The following ARHGAP15 variants were observed in gnomAD, a reference collection of about 807,000 sequenced individuals.
ARHGAP15 encodes the protein rho GTPase-activating protein 15.
In ARHGAP15, 51 loss-of-function variants were observed where a neutral mutation model predicts 63.7. The observed-to-expected ratio is 0.80, with a 90% CI of 0.64 to 1.01. The LOEUF is 1.01. ARHGAP15 is among the 50% of genes least tolerant of loss of function. ARHGAP15 has a pLI of 0.00. For missense variants in ARHGAP15, 560 were observed against 564.6 expected, an observed-to-expected ratio of 0.99 and a Z score of 0.08; for synonymous variants, 191 against 193.8, an observed-to-expected ratio of 0.99 and a Z score of 0.12.
intron 6 of ARHGAP15, among the ~76,000 whole-genome samples, chr2:143,306,898 G>T (rs1277501552): frequency 6.6e-6 from 1 of 152,014 alleles, no homozygotes; most frequent in Admixed American, 6.6e-5. Context: ...TAATTTTACA[G>T]TGTCCATGGG....
At chr2:143,397,038 C>G (rs1005385318) in intron 6 of ARHGAP15, among the ~76,000 whole-genome samples, 4 of 152,182 alleles carry the variant, frequency 2.6e-5, no homozygotes, top group South Asian at 2.1e-4. Flanking sequence ...GAGTTCTCCT[C>G]CTCCACATTA....
intron 6 of ARHGAP15, among the ~76,000 whole-genome samples, chr2:143,407,909 T>C (rs545600954): frequency 6.9e-6 from 1 of 144,612 alleles, no homozygotes; most frequent in Non-Finnish European, 1.5e-5. Flanking sequence ...CTAGAAAAAA[T>C]TGTGTGTGAC....
At chr2:143,623,554 G>A (rs1424043131) in intron 11 of ARHGAP15, among the ~76,000 whole-genome samples, 1 of 152,080 alleles carries the variant, frequency 6.6e-6, no homozygotes, top group Non-Finnish European at 1.5e-5. Flanking sequence ...AGATTTTGAA[G>A]CAGTAAGAAA....
At chr2:143,166,917 C>T (rs1690563969) in intron 2 of ARHGAP15, among the ~76,000 whole-genome samples, 2 of 151,976 alleles carry the variant, frequency 1.3e-5, no homozygotes, top group Admixed American at 6.6e-5. Context: ...ATTTATAATG[C>T]CTCTTTTATT....
At chr2:143,593,017 G>A (rs185265956) in intron 11 of ARHGAP15, among the ~76,000 whole-genome samples, 80 of 152,284 alleles carry the variant, frequency 5.3e-4, no homozygotes, top group African/African-American at 1.8e-3. Context: ...AGGTAGCATA[G>A]GAGAGCCTGA....
intron 13 of ARHGAP15, among the ~76,000 whole-genome samples, chr2:143,724,821 A>C (rs944394956): frequency 6.6e-6 from 1 of 152,242 alleles, no homozygotes; most frequent in African/African-American, 2.4e-5. Context: ...TAAAATTCAC[A>C]ACGATCAGCA....
chr2:143,686,187 T>G (rs960267006), intron 12 of ARHGAP15, among the ~76,000 whole-genome samples: 9 of 151,850 alleles, frequency 5.9e-5, no homozygotes, highest in Admixed American at 3.9e-4. Flanking sequence ...GGCAGGCAGA[T>G]CACGAGGTCA....
chr2:143,766,447 A>G (rs1353605824), intron 13 of ARHGAP15, among the ~76,000 whole-genome samples: 2 of 152,148 alleles, frequency 1.3e-5, no homozygotes, highest in African/African-American at 4.8e-5. Flanking sequence ...TTACTTCACA[A>G]TGGCCCCCAA....
intron 12 of ARHGAP15, among the ~76,000 whole-genome samples, chr2:143,664,989 C>T (rs1282277408): frequency 1.3e-5 from 2 of 151,668 alleles, no homozygotes. Context: ...ATCAGAGGTA[C>T]AAGGAGGAAC....
At chr2:143,180,891 T>C (rs1166284354) in intron 2 of ARHGAP15, among the ~76,000 whole-genome samples, 1 of 152,152 alleles carries the variant, frequency 6.6e-6, no homozygotes, top group Non-Finnish European at 1.5e-5. Flanking sequence ...GCCAGAATGG[T>C]CTCGATCTCC....
At chr2:143,520,569 A>G (rs184662209) in intron 10 of ARHGAP15, among the ~76,000 whole-genome samples, 135 of 152,270 alleles carry the variant, frequency 8.9e-4, no homozygotes, top group Admixed American at 8.7e-3. Flanking sequence ...ACATGAGGAG[A>G]GGTATCTGTG....
chr2:143,297,560 A>G (rs1314983176), intron 6 of ARHGAP15, among the ~76,000 whole-genome samples: 1 of 151,802 alleles, frequency 6.6e-6, no homozygotes, highest in Non-Finnish European at 1.5e-5. Flanking sequence ...AATCAAAGCC[A>G]TTTTCAGGTG....
At chr2:143,648,831 G>A (rs1169209077) in intron 12 of ARHGAP15, 1 of 151,956 alleles carries the variant, frequency 6.6e-6, no homozygotes, top group East Asian at 1.9e-4. Flanking sequence ...TAAAGATGCA[G>A]TGTTAGGTGC....
intron 8 of ARHGAP15, among the ~76,000 whole-genome samples, chr2:143,483,920 C>G (rs967135978): frequency 6.6e-6 from 1 of 152,114 alleles, no homozygotes; most frequent in Non-Finnish European, 1.5e-5. Flanking sequence ...CCTTACTGTG[C>G]TGCATTATAA....
intron 6 of ARHGAP15, among the ~76,000 whole-genome samples, chr2:143,315,208 C>T (rs1263872505): frequency 2.6e-5 from 4 of 152,080 alleles, no homozygotes; most frequent in African/African-American, 9.7e-5. Flanking sequence ...CTAGCAGATG[C>T]TATTAATTGA....
intron 13 of ARHGAP15, among the ~76,000 whole-genome samples, chr2:143,757,643 T>A (rs1686626883): frequency 6.6e-6 from 1 of 151,176 alleles, no homozygotes; most frequent in Admixed American, 6.6e-5. Context: ...CAATGGAGAG[T>A]GGTGGTTTAT....
intron 11 of ARHGAP15, among the ~76,000 whole-genome samples, chr2:143,609,730 T>C (rs1698181054): frequency 6.6e-6 from 1 of 152,126 alleles, no homozygotes; most frequent in Non-Finnish European, 1.5e-5. Context: ...CCCTGTTCGG[T>C]ACCCAGGATC....
At chr2:143,537,513 T>A (rs933543523) in intron 10 of ARHGAP15, among the ~76,000 whole-genome samples, 2 of 152,250 alleles carry the variant, frequency 1.3e-5, no homozygotes, top group African/African-American at 4.8e-5. Flanking sequence ...TGGTTTTAGA[T>A]CTAACATGTA....
intron 2 of ARHGAP15, among the ~76,000 whole-genome samples, chr2:143,193,657 T>C (rs1399507169): frequency 2.0e-5 from 3 of 152,216 alleles, no homozygotes; most frequent in Admixed American, 2.0e-4. Context: ...GTTATAATTG[T>C]TCAAAGCTTG....
Sources: allele counts gnomAD v4.1 joint callset (sites outside exome capture counted in the v4.1 genomes callset), GRCh38; gene constraint gnomAD v4.1.1; transcripts MANE v1.5; gene names NCBI Gene and HGNC (gene_info 2026-07-23, HGNC 2026-07-21).